DNAJC17: variants seen among roughly 807,000 people sequenced by gnomAD.
DNAJC17 encodes dnaJ homolog subfamily C member 17.
Under a neutral mutation model 48.1 loss-of-function variants are expected in DNAJC17, and 35 were observed. The observed-to-expected ratio is 0.73, with a 90% confidence interval of 0.56 to 0.96. The LOEUF is 0.96. DNAJC17 is among the 50% of genes least tolerant of loss of function. DNAJC17 has a pLI of 0.00. For synonymous variants in DNAJC17, 117 were observed against 142.7 expected (o/e 0.82, Z 1.28); for missense variants, 355 against 377.1 (o/e 0.94, Z 0.48).
intron 4 of DNAJC17, among the ~76,000 whole-genome samples, chr15:40,778,341 C>A (rs1025216599): frequency 2.6e-5 from 4 of 152,134 alleles, no homozygotes; most frequent in Non-Finnish European, 5.9e-5. Flanking sequence ...GCAACCTCTG[C>A]CTCCCGGGTT....
chr15:40,784,380 T>C (rs1001957953), intron 1 of DNAJC17, among the ~76,000 whole-genome samples: 1 of 152,226 alleles, frequency 6.6e-6, no homozygotes, highest in African/African-American at 2.4e-5. Context: ...GAATGTTCTA[T>C]ATTGGAATTT....
At position 40,800,269 on chromosome 15, in the gene DNAJC17, T is replaced by C. The variant is rs181278092; in HGVS notation, c.78+7100A>G. Among the ~76,000 whole-genome samples, 139 of 152,302 alleles carry C rather than the reference T, an allele frequency of 9.1e-4. 1 individual carries two copies. Among genetic ancestry groups the C allele is most frequent in the African/African-American group, 3.1e-3 (130 of 41,570 alleles). Reference sequence around the variant, plus strand: ...TTTTAGTAGAGACGGGGTTTCACCATGTTGGGCAGGCTGGTCTTGAACTAC... The same window carrying C: ...TTTTAGTAGAGACGGGGTTTCACCACGTTGGGCAGGCTGGTCTTGAACTAC... On this transcript the variant is annotated intron_variant, in intron 1 of 10. Transcript: ENST00000220496.
chr15:40,782,057 C>G (rs543572978), intron 1 of DNAJC17, among the ~76,000 whole-genome samples: 1 of 152,038 alleles, frequency 6.6e-6, no homozygotes, highest in South Asian at 2.1e-4. Context: ...GACCTCATCT[C>G]TACAAAAATT....
chr15:40,775,021 C>T lies in DNAJC17; in HGVS notation c.600+10G>A. 6.2e-7 allele frequency: 1 copy of T among 1,614,086 alleles called. No homozygotes were observed. The highest frequency in any genetic ancestry group is 8.5e-7 in the Non-Finnish European group (1 of 1,180,010). On this transcript the variant is annotated intron_variant, in intron 8 of 10. Transcript: ENST00000220496. The stretch of plus-strand genomic sequence containing the variant: ...GATGATAGGAAAGAGTGGACGTCAA[C>T]AGGGCCGACCTTCTGCAAAAGCCGT...
At chr15:40,805,355 C>T (rs900074733) in intron 1 of DNAJC17, among the ~76,000 whole-genome samples, 3 of 121,948 alleles carry the variant, frequency 2.5e-5, no homozygotes, top group African/African-American at 6.7e-5. Flanking sequence ...CAGCCTGGGC[C>T]AAAGAGTGAT....
In DNAJC17 at chr15:40,766,063, A is replaced by G. The variant is rs1888941613; in HGVS notation, c.*1877T>C. On this transcript the variant is annotated 3_prime_UTR_variant, in exon 11 of 11. Transcript: ENST00000220496. ...ATCCTGGGGCTCTGTTCTCCGGAGG[A>G]GTTGGTCCCATCTGTAGCCTCTCCA... The G allele has an allele frequency of 4.3e-6, 2 of 466,956 alleles. No homozygotes were observed. The highest frequency in any genetic ancestry group is 7.7e-5 in the Admixed American group (2 of 25,990). 28.9% of individuals were successfully genotyped at this position (466,956 alleles called of 1,614,324 possible).
At chr15:40,792,585 C>A (rs1480208251) in intron 1 of DNAJC17, 7 of 947,900 alleles carry the variant, frequency 7.4e-6, no homozygotes, top group Non-Finnish European at 8.8e-6. Flanking sequence ...GAGGCCGAGG[C>A]AGGAGGACTG....
At chr15:40,768,734 A>G (rs1259669811) in intron 10 of DNAJC17, among the ~76,000 whole-genome samples, 1 of 152,242 alleles carries the variant, frequency 6.6e-6, no homozygotes, top group Non-Finnish European at 1.5e-5. Flanking sequence ...AAGCAGCTCT[A>G]CAGCGGGACC....
intron 1 of DNAJC17, among the ~76,000 whole-genome samples, chr15:40,781,144 T>C (rs1596083089): frequency 9.0e-6 from 1 of 110,592 alleles, no homozygotes; most frequent in African/African-American, 3.8e-5. Flanking sequence ...AGAGCGAGAC[T>C]CCATCTCAGA....
chr15:40,794,253 A>C (rs1240704036), intron 1 of DNAJC17, among the ~76,000 whole-genome samples: 1 of 150,806 alleles, frequency 6.6e-6, no homozygotes, highest in Non-Finnish European at 1.5e-5. Flanking sequence ...AGGAGGCTGA[A>C]GCAGGAGATC....
At chr15:40,789,096 C>T (rs935750015) in intron 1 of DNAJC17, among the ~76,000 whole-genome samples, 2 of 152,126 alleles carry the variant, frequency 1.3e-5, no homozygotes, top group African/African-American at 4.8e-5. Flanking sequence ...GCTGGTGGTA[C>T]CAAGATAATA....
rs937486046 is a variant in DNAJC17, at chr15:40,767,863, G to A, written c.*77C>T. On this transcript the variant is annotated 3_prime_UTR_variant, in exon 11 of 11. Coordinates refer to ENST00000220496, the MANE Select transcript of DNAJC17 (RefSeq NM_018163.3). ...CCTTATACCTATGTATGGGATAGAG[G>A]TAAAATCTTAAAAAAAAAAAAAATT... 16 of 1,576,934 alleles carry A rather than the reference G, an allele frequency of 1.0e-5. No individual in the cohort carries two copies. The Admixed American group carries it at 2.8e-4, about 28-fold the overall frequency.
intron 1 of DNAJC17, among the ~76,000 whole-genome samples, chr15:40,782,906 G>A (rs1237804672): frequency 6.6e-6 from 1 of 152,112 alleles, no homozygotes; most frequent in African/African-American, 2.4e-5. Context: ...CAGGACAGGC[G>A]CTGGGCAGAG....
Position 40,765,840 on chromosome 15 carries a change from C to T in DNAJC17, c.*2100G>A, listed in dbSNP as rs770735181. On this transcript the variant is annotated 3_prime_UTR_variant, in exon 11 of 11. Transcript: ENST00000220496. ...CTTACCTTGCAGGAGGTGGGCCCCA[C>T]TATGGTGGGCGATGAACAGTCGGAT... The T allele has an allele frequency of 2.5e-6, 4 of 1,572,982 alleles. No homozygotes were observed. Among genetic ancestry groups the T allele is most frequent in the Non-Finnish European group, 3.5e-6 (4 of 1,152,398 alleles).
At chr15:40,777,944 T>A (rs1301915900) in intron 4 of DNAJC17, among the ~76,000 whole-genome samples, 1 of 152,080 alleles carries the variant, frequency 6.6e-6, no homozygotes, top group African/African-American at 2.4e-5. Context: ...AATAAAGCTA[T>A]TAGAGAAGAG....
At chr15:40,794,079 T>C (rs1027626434) in intron 1 of DNAJC17, among the ~76,000 whole-genome samples, 2 of 152,144 alleles carry the variant, frequency 1.3e-5, no homozygotes, top group Non-Finnish European at 2.9e-5. Flanking sequence ...AAGATAGTTA[T>C]AAAAACTGTT....
intron 4 of DNAJC17, 171 bp downstream of exon 4, chr15:40,779,052 T>G: frequency 1.4e-6 from 1 of 696,934 alleles, no homozygotes; most frequent in Non-Finnish European, 2.6e-6. Flanking sequence ...TTATTATTGT[T>G]ATTATTCCTA....
intron 1 of DNAJC17, among the ~76,000 whole-genome samples, chr15:40,802,050 G>A (rs1890089328): frequency 6.6e-6 from 1 of 152,130 alleles, no homozygotes; most frequent in African/African-American, 2.4e-5. Context: ...AGGGGTGAGA[G>A]GATAGGGAGG....
At chr15:40,791,616 G>T (rs1326685732) in intron 1 of DNAJC17, among the ~76,000 whole-genome samples, 1 of 151,586 alleles carries the variant, frequency 6.6e-6, no homozygotes, top group Non-Finnish European at 1.5e-5. Context: ...AGGCTGAGGT[G>T]GGCGGATCAC....
Sources: gnomAD v4.1 joint callset for allele counts (sites outside exome capture counted in the v4.1 genomes callset) on GRCh38, gnomAD v4.1.1 for gene constraint, MANE v1.5 for transcripts, NCBI Gene and HGNC (gene_info 2026-07-23, HGNC 2026-07-21) for gene names.